Variants in TMIGD3 observed in about 807,000 individuals in gnomAD.
The protein encoded by TMIGD3 is AD026 protein (AD026).
In TMIGD3, 21 loss-of-function variants were observed where a neutral mutation model predicts 28.1. The ratio of observed to expected loss-of-function variants is 0.75; its 90% CI spans 0.53 to 1.08. The LOEUF (loss-of-function observed/expected upper bound fraction) is 1.08. Among genes scored for constraint, TMIGD3 ranks in the 50% least tolerant of loss-of-function variants. The pLI is 0.00. For synonymous variants in TMIGD3, 151 were observed against 162.1 expected (o/e 0.93, Z 0.52); for missense variants, 416 against 435.6 (o/e 0.96, Z 0.40).
chr1:111,537,498 T>C (rs11102303), intron 1 of TMIGD3, among the ~76,000 whole-genome samples: 39,547 of 152,132 alleles, frequency 0.26, 5,811 homozygotes, highest in Admixed American at 0.43. Context: ...ACAAAAGATA[T>C]GTTCATAAAG....
At chr1:111,485,714 C>A in intron 5 of TMIGD3, 26 bp downstream of exon 5, 2 of 1,151,978 alleles carry the variant, frequency 1.7e-6, no homozygotes, top group South Asian at 2.6e-5. Flanking sequence ...TCTTGCCCAC[C>A]CCCTCCCTCA....
chr1:111,494,654 T>TG (rs1447690769), intron 1 of TMIGD3, among the ~76,000 whole-genome samples: 1 of 152,118 alleles, frequency 6.6e-6, no homozygotes, highest in Non-Finnish European at 1.5e-5. Flanking sequence ...CCAATGAAAT[T>TG]GATATGGAAT....
chr1:111,488,594 A>G, intron 3 of TMIGD3, 83 bp downstream of exon 3: 1 of 1,299,230 alleles, frequency 7.7e-7, no homozygotes, highest in Non-Finnish European at 1.1e-6. Flanking sequence ...GTTGGGGCTC[A>G]CTGGCTTCAG....
At chr1:111,510,029 T>G (rs556811428) in intron 1 of TMIGD3, among the ~76,000 whole-genome samples, 22 of 152,360 alleles carry the variant, frequency 1.4e-4, no homozygotes, top group African/African-American at 5.0e-4. Context: ...AAAACCCAAA[T>G]TGCCATTTTG....
At position 111,488,932 on chromosome 1, in the gene TMIGD3, G is replaced by C. The variant is rs774772726; in HGVS notation, c.550C>G (p.Pro184Ala). The change falls in exon 3 of 6, where the codon CCC becomes GCC. Residue 184 changes from proline to alanine, a missense_variant. Transcript: ENST00000369716. ...CNYNAHYKNH[P>A]KYWCRGYFRD... ...AAATAGCCTCGGCACCAGTATTTGGGGTGATTCTTGTAGTGGGCATTGTAG... is the reference window on the plus strand; with the variant it reads ...AAATAGCCTCGGCACCAGTATTTGGCGTGATTCTTGTAGTGGGCATTGTAG... 5.0e-6 allele frequency: 8 copies of C among 1,614,066 alleles called. No homozygotes were observed. In the South Asian group the frequency reaches 8.8e-5, roughly 18 times the overall value.
chr1:111,541,764 C>CA lies in TMIGD3; in HGVS notation c.107+22081dup, dbSNP rs1656835476. Among the ~76,000 whole-genome samples, 4 of 152,038 alleles carry CA rather than the reference C, an allele frequency of 2.6e-5. No homozygotes were observed. The South Asian group carries it at 8.3e-4, about 32-fold the overall frequency. ...AGAAACCCAACATTCAGTGGAGGGA[C>CA]AGGGGACGAGGGGCCCGTAAAAGAG... On this transcript the variant is annotated intron_variant, in intron 1 of 5. Coordinates refer to the TMIGD3 transcript ENST00000369717.
At chr1:111,542,382 A>G in intron 1 of TMIGD3, 1 of 229,680 alleles carries the variant, frequency 4.4e-6, no homozygotes. Context: ...GAGAGGTGGT[A>G]GAGCAGGAAG....
chr1:111,518,321 A>G (rs1655933998), intron 1 of TMIGD3, among the ~76,000 whole-genome samples: 1 of 152,208 alleles, frequency 6.6e-6, no homozygotes, highest in African/African-American at 2.4e-5. Context: ...CTTTGCATAC[A>G]TTATCTCTAA....
In TMIGD3 at chr1:111,503,456, A is replaced by G. The variant is rs1571417996; in HGVS notation, c.-102T>C. 1.4e-6 allele frequency: 2 copies of G among 1,477,064 alleles called. No homozygotes were observed. The highest frequency in any genetic ancestry group is 2.8e-5 in the South Asian group (2 of 72,564). The allele number at this position is 1,477,064 out of a possible 1,614,324, so 91.5% of individuals were successfully genotyped here. On this transcript the variant is annotated 5_prime_UTR_variant, in exon 1 of 6. An upstream start codon of the reference 5' UTR is lost. Transcript: ENST00000369716. Reference sequence around the variant, plus strand: ...TCGCCAGACGTCTTCCCAGAGGTCCATGTGCAGTGACAGTCTAAAATTCCC... The same window carrying G: ...TCGCCAGACGTCTTCCCAGAGGTCCGTGTGCAGTGACAGTCTAAAATTCCC...
At chr1:111,491,025 G>A (rs1175680105) in intron 1 of TMIGD3, among the ~76,000 whole-genome samples, 1 of 152,220 alleles carries the variant, frequency 6.6e-6, no homozygotes, top group Non-Finnish European at 1.5e-5. Flanking sequence ...GCCATCACTG[G>A]TACACATTTG....
At chr1:111,492,468 A>G (rs1299968751) in intron 1 of TMIGD3, among the ~76,000 whole-genome samples, 1 of 152,224 alleles carries the variant, frequency 6.6e-6, no homozygotes, top group African/African-American at 2.4e-5. Context: ...CAAAGAAAGC[A>G]GCAAAAAGAG....
intron 3 of TMIGD3, among the ~76,000 whole-genome samples, chr1:111,486,962 A>G (rs1409607837): frequency 6.6e-6 from 1 of 152,208 alleles, no homozygotes; most frequent in Non-Finnish European, 1.5e-5. Context: ...CACGTAGACT[A>G]GAAGTGGCCC....
chr1:111,533,879 A>T (rs987694128), intron 1 of TMIGD3, among the ~76,000 whole-genome samples: 19 of 152,098 alleles, frequency 1.2e-4, no homozygotes, highest in Admixed American at 1.2e-3. Context: ...TTAATAATAA[A>T]CACTTTGGAG....
chr1:111,544,080 G>T (rs1196885586), intron 1 of TMIGD3, among the ~76,000 whole-genome samples: 1 of 152,186 alleles, frequency 6.6e-6, no homozygotes, highest in Non-Finnish European at 1.5e-5. Context: ...CATGTTTAAA[G>T]TCAAATTTGC....
At chr1:111,530,005 C>T (rs1656404911) in intron 1 of TMIGD3, among the ~76,000 whole-genome samples, 1 of 97,756 alleles carries the variant, frequency 1.0e-5, no homozygotes. Context: ...GGCGCTGACC[C>T]CCCCACCTCC....
At chr1:111,554,265 A>G (rs1557847488) in intron 1 of TMIGD3, among the ~76,000 whole-genome samples, 2 of 152,270 alleles carry the variant, frequency 1.3e-5, no homozygotes, top group African/African-American at 2.4e-5. Flanking sequence ...TAGAACTGTA[A>G]GAACCTGTGG....
chr1:111,539,543 G>C (rs995558097), intron 1 of TMIGD3, among the ~76,000 whole-genome samples: 2 of 152,058 alleles, frequency 1.3e-5, no homozygotes, highest in East Asian at 1.9e-4. Flanking sequence ...TAATCCGCCC[G>C]CCTCGGCCTC....
At chr1:111,524,713 G>A (rs934653275) in intron 1 of TMIGD3, among the ~76,000 whole-genome samples, 2 of 152,110 alleles carry the variant, frequency 1.3e-5, no homozygotes, top group Admixed American at 6.5e-5. Context: ...TCCGCCTCCC[G>A]GGTTTAAGTG....
rs192879178 is a variant in TMIGD3 at position 111,486,763 on chromosome 1, G to T, written c.806-111C>A. 16 of 898,134 alleles carry T rather than the reference G, an allele frequency of 1.8e-5. No individual in the cohort carries two copies. The South Asian group carries it at 2.2e-4, about 12-fold the overall frequency. The allele number at this position is 898,134 out of a possible 1,614,324, so 55.6% of individuals were successfully genotyped here. On this transcript the variant is annotated intron_variant, in intron 3 of 5. Coordinates refer to ENST00000369716, the MANE Select transcript of TMIGD3 (RefSeq NM_020683.7). The stretch of plus-strand genomic sequence containing the variant: ...CTATGTCCAGAGAGTGAGTCCCCTG[G>T]TTGACTCCAGAGTAAAGCAGAGGTA...
Sources: allele counts gnomAD v4.1 joint callset (sites outside exome capture counted in the v4.1 genomes callset), GRCh38; gene constraint gnomAD v4.1.1; transcripts MANE v1.5; gene names NCBI Gene and HGNC (gene_info 2026-07-23, HGNC 2026-07-21).